Variants in TENM2 observed in about 807,000 individuals in gnomAD.
TENM2 encodes the protein teneurin-2.
TENM2 carries 52 observed loss-of-function variants against 245.2 expected under a neutral mutation model. That is an observed-to-expected ratio of 0.21 (90% CI 0.17 to 0.27). The LOEUF (loss-of-function observed/expected upper bound fraction) is 0.27. Ranked by LOEUF, TENM2 falls within the 10% of genes least tolerant of loss-of-function variation. The pLI is 1.00. For missense variants in TENM2, 3,046 were observed against 3,666.8 expected, an observed-to-expected ratio of 0.83 and a Z score of 4.37; for synonymous variants, 1,363 against 1,438.9, an observed-to-expected ratio of 0.95 and a Z score of 1.19.
the TENM2 span, among the ~76,000 whole-genome samples, chr5:167,186,200 T>G: frequency 6.6e-6 from 1 of 152,268 alleles, no homozygotes; most frequent in Non-Finnish European, 1.5e-5. Context: ...TGAAGAGGAC[T>G]CTTGGTTTAA....
chr5:167,578,955 T>G (rs1361076543), intron 2 of TENM2, among the ~76,000 whole-genome samples: 1 of 152,246 alleles, frequency 6.6e-6, no homozygotes, highest in Middle Eastern at 3.2e-3. Flanking sequence ...GCTTTTCTTC[T>G]GTAACACGGA....
intron 2 of TENM2, among the ~76,000 whole-genome samples, chr5:167,663,595 T>C (rs1755383666): frequency 6.6e-6 from 1 of 152,162 alleles, no homozygotes; most frequent in Admixed American, 6.5e-5. Context: ...AGTTTCTAAA[T>C]CTGAGGATTC....
At chr5:167,689,270 A>T (rs1045067439) in intron 2 of TENM2, among the ~76,000 whole-genome samples, 8 of 152,182 alleles carry the variant, frequency 5.3e-5, no homozygotes, top group Non-Finnish European at 1.0e-4. Flanking sequence ...AGCACATTCT[A>T]AAACAGTGTC....
intron 25 of TENM2, among the ~76,000 whole-genome samples, chr5:168,233,325 C>CA (rs953621647): frequency 5.1e-4 from 76 of 147,622 alleles, no homozygotes; most frequent in South Asian, 1.5e-3. Context: ...ACTCCCATCT[C>CA]AAAAAAAAAA....
intron 3 of TENM2, among the ~76,000 whole-genome samples, chr5:167,907,524 AATATATATATATAT>A (rs56159044): frequency 0.024 from 1,838 of 78,184 alleles, 32 homozygotes; most frequent in Middle Eastern, 0.036. Flanking sequence ...GATCACCCTA[AATATATATATATAT>A]ATATATATAT....
At chr5:167,310,763 A>G (rs999251497) in intron 1 of TENM2, among the ~76,000 whole-genome samples, 48 of 152,354 alleles carry the variant, frequency 3.2e-4, no homozygotes, top group African/African-American at 1.1e-3. Flanking sequence ...TACAAGTTAT[A>G]GGCTGGAAAA....
At chr5:167,727,307 T>A (rs958816321) in intron 2 of TENM2, among the ~76,000 whole-genome samples, 1 of 151,768 alleles carries the variant, frequency 6.6e-6, no homozygotes, top group African/African-American at 2.4e-5. Context: ...AGAGACGGGG[T>A]TTCACCGTGT....
At chr5:167,364,823 A>G (rs1759944018) in intron 1 of TENM2, among the ~76,000 whole-genome samples, 1 of 152,046 alleles carries the variant, frequency 6.6e-6, no homozygotes, top group African/African-American at 2.4e-5. Context: ...AATAAAAGAC[A>G]AAGCAAAATT....
the TENM2 span, among the ~76,000 whole-genome samples, chr5:167,232,004 G>A: frequency 6.6e-6 from 1 of 152,192 alleles, no homozygotes; most frequent in Non-Finnish European, 1.5e-5. Flanking sequence ...AAGTATTGGT[G>A]ACTTGCAGGT....
intron 5 of TENM2, among the ~76,000 whole-genome samples, chr5:168,013,231 T>A (rs1226209802): frequency 1.3e-5 from 2 of 152,162 alleles, no homozygotes; most frequent in African/African-American, 4.8e-5. Flanking sequence ...CCTTTGAAGA[T>A]GATAAGGGAA....
At chr5:167,339,516 CTTT>C (rs965529205) in intron 1 of TENM2, among the ~76,000 whole-genome samples, 1 of 147,718 alleles carries the variant, frequency 6.8e-6, no homozygotes, top group African/African-American at 2.5e-5. Context: ...TTCATTTATT[CTTT>C]TTTTTTTCAA....
At chr5:167,752,187 TG>T (rs762466697) in intron 2 of TENM2, among the ~76,000 whole-genome samples, 3 of 151,548 alleles carry the variant, frequency 2.0e-5, no homozygotes, top group Non-Finnish European at 4.4e-5. Context: ...CTCCACCTCC[TG>T]GGTTCAAGCA....
chr5:167,058,506 C>G, the TENM2 span, among the ~76,000 whole-genome samples: 43 of 152,242 alleles, frequency 2.8e-4, 1 homozygote, highest in South Asian at 8.7e-3. Context: ...TGCCTGTTAT[C>G]CCAGCACTTT....
intron 2 of TENM2, among the ~76,000 whole-genome samples, chr5:167,842,580 CAAAA>C (rs1160974467): frequency 6.6e-5 from 3 of 45,332 alleles, no homozygotes; most frequent in Non-Finnish European, 1.8e-4. Context: ...GACTCCATGT[CAAAA>C]AAAAAAAAAA....
In TENM2 at chr5:168,125,701, G is replaced by A. The variant is rs556004754; in HGVS notation, c.2209+651G>A. Among the ~76,000 whole-genome samples, 7 of 151,984 alleles carry A rather than the reference G, an allele frequency of 4.6e-5. No individual in the cohort carries two copies. In the South Asian group the frequency reaches 6.2e-4, roughly 14 times the overall value. The stretch of plus-strand genomic sequence containing the variant: ...CATGGCAATCAGGAAGGGAATAGAC[G>A]TGAAGCTTTGCCTACAATGGGAAAG... On this transcript the variant is annotated intron_variant, in intron 11 of 28. Coordinates refer to ENST00000518659, the Ensembl canonical transcript of TENM2.
intron 2 of TENM2, among the ~76,000 whole-genome samples, chr5:167,670,699 C>T (rs1755881632): frequency 6.6e-6 from 1 of 152,166 alleles, no homozygotes; most frequent in African/African-American, 2.4e-5. Context: ...TGTCTCTATC[C>T]TTCCACTTTT....
chr5:167,179,127 T>C, the TENM2 span, among the ~76,000 whole-genome samples: 1 of 152,112 alleles, frequency 6.6e-6, no homozygotes, highest in Admixed American at 6.6e-5. Flanking sequence ...TCTCAAGGAG[T>C]TAAAAAGGCA....
At chr5:167,531,823 T>C (rs1771526739) in intron 2 of TENM2, among the ~76,000 whole-genome samples, 1 of 152,178 alleles carries the variant, frequency 6.6e-6, no homozygotes, top group Non-Finnish European at 1.5e-5. Context: ...TAATAGCCAA[T>C]TAGTTATCCT....
intron 9 of TENM2, among the ~76,000 whole-genome samples, chr5:168,103,361 C>A (rs1793976777): frequency 6.6e-6 from 1 of 152,202 alleles, no homozygotes; most frequent in South Asian, 2.1e-4. Flanking sequence ...AACATCCATA[C>A]AAAGCCATTA....
Sources: gnomAD v4.1 joint callset for allele counts (sites outside exome capture counted in the v4.1 genomes callset) on GRCh38, gnomAD v4.1.1 for gene constraint, MANE v1.5 for transcripts, NCBI Gene and HGNC (gene_info 2026-07-23, HGNC 2026-07-21) for gene names.